The following ANO1 variants were observed in gnomAD, a reference collection of about 807,000 sequenced individuals.
ANO1 encodes the protein anoctamin 1, also known as anoctamin-1.
ANO1 carries 59 observed loss-of-function variants against 124.0 expected under a neutral mutation model. The ratio of observed to expected loss-of-function variants is 0.48; its 90% confidence interval spans 0.39 to 0.59. The LOEUF (loss-of-function observed/expected upper bound fraction) is 0.59, where lower values mean the gene tolerates loss of function less well. ANO1 is among the 20% of genes least tolerant of loss of function. The probability of loss-of-function intolerance (pLI) is 0.00; values close to 1 mark genes in which losing one functional copy is unlikely to be tolerated. For synonymous variants in ANO1, 529 were observed against 532.0 expected (o/e 0.99, Z 0.08); for missense variants, 1,059 against 1,328.0 (o/e 0.80, Z 3.15).
At chr11:70,017,662 G>A (rs1856726901) in intron 1 of ANO1, among the ~76,000 whole-genome samples, 1 of 151,934 alleles carries the variant, frequency 6.6e-6, no homozygotes, top group African/African-American at 2.4e-5. Flanking sequence ...TTACGGGTGT[G>A]CACCACCACA....
chr11:70,095,414 G>GAA lies in ANO1; in HGVS notation c.441+7332_441+7333dup, dbSNP rs762525778. Among the ~76,000 whole-genome samples the GAA allele has an allele frequency of 1.4e-3, 97 of 69,082 alleles. 7 individuals are homozygous for GAA. Among genetic ancestry groups the GAA allele is most frequent in the African/African-American group, 4.3e-3 (90 of 20,924 alleles). The allele number at this position is 69,082 out of a possible 152,430, so 45.3% of individuals were successfully genotyped here. A position where few individuals can be genotyped will look rare whatever the true frequency, so the allele number is the denominator to read the frequency against. Reference sequence around the variant, plus strand: ...AGAAAGAAAGAAAGAAAGAAAGAAAGAAAGAAAGAAAGAAAAGAAAAGAAA... The same window carrying GAA: ...AGAAAGAAAGAAAGAAAGAAAGAAAGAAAAAGAAAGAAAGAAAAGAAAAGAAA... On this transcript the variant is annotated intron_variant, in intron 2 of 25. Transcript: ENST00000355303.
chr11:69,990,568 T>A (rs1285043853), intron 1 of ANO1, among the ~76,000 whole-genome samples: 2 of 152,236 alleles, frequency 1.3e-5, no homozygotes, highest in Non-Finnish European at 2.9e-5. Context: ...ACTGCCAAAC[T>A]GTTTTACACA....
In ANO1 at chr11:70,019,328, G is replaced by A. The variant is rs185871172; in HGVS notation, c.58+33162G>A. Among the ~76,000 whole-genome samples the A allele has an allele frequency of 4.4e-3, 629 of 143,666 alleles. 5 individuals are homozygous for A. The highest frequency in any genetic ancestry group is 0.015 in the African/African-American group (598 of 38,930). 94.3% of individuals were successfully genotyped at this position (143,666 alleles called of 152,430 possible). A position where few individuals can be genotyped will look rare whatever the true frequency, so the allele number is the denominator to read the frequency against. On this transcript the variant is annotated intron_variant, in intron 1 of 27. Coordinates refer to the ANO1 transcript ENST00000531349. ...ACATGCCATGCACATGCACACACAC[G>A]CACGCACACACACATGCACACACGC... is the stretch of plus-strand genomic sequence containing the variant.
chr11:70,019,252 C>A (rs1413064001), intron 1 of ANO1, among the ~76,000 whole-genome samples: 4 of 137,434 alleles, frequency 2.9e-5, no homozygotes, highest in East Asian at 4.3e-4. Context: ...CCCACACACA[C>A]ACACACACAC....
Position 70,087,913 on chromosome 11 carries a change from T to G in ANO1, c.270T>G (p.Ser90=), listed in dbSNP as rs2044450815. The G allele has an allele frequency of 6.2e-7, 1 of 1,609,946 alleles. No individual in the cohort carries two copies. Among genetic ancestry groups the G allele is most frequent in the Non-Finnish European group, 8.5e-7 (1 of 1,178,558 alleles). The change falls in exon 2 of 26, where the codon TCT becomes TCG. Residue 90 remains serine, a synonymous_variant. Transcript: ENST00000355303. The part of the protein sequence containing the change: ...VRRVQHSDTP[S]GARSVKQDHP... ...GGGTGCAGCACAGCGACACCCCCTC[T>G]GGGGCTCGCAGCGTCAAGCAGGACC...
intron 1 of ANO1, among the ~76,000 whole-genome samples, chr11:70,033,336 C>T (rs984181233): frequency 3.3e-5 from 5 of 152,156 alleles, no homozygotes; most frequent in African/African-American, 4.8e-5. Context: ...CCTCCAAGAT[C>T]GAGAGTCTAC....
chr11:70,168,000 G>A (rs2048321664), intron 21 of ANO1, among the ~76,000 whole-genome samples: 1 of 152,196 alleles, frequency 6.6e-6, no homozygotes, highest in South Asian at 2.1e-4. Context: ...CCCCAGCACA[G>A]AGCAGGCGTC....
intron 2 of ANO1, among the ~76,000 whole-genome samples, chr11:70,095,394 GAA>G (rs1485851785): frequency 2.6e-5 from 1 of 38,222 alleles, no homozygotes; most frequent in African/African-American, 7.0e-5. Context: ...AAGAAAGAAA[GAA>G]AGAAAGAAAG....
At chr11:70,080,036 C>T (rs2044156741) in intron 1 of ANO1, among the ~76,000 whole-genome samples, 2 of 152,230 alleles carry the variant, frequency 1.3e-5, no homozygotes, top group African/African-American at 4.8e-5. Context: ...ATGTGCCAGG[C>T]CATGCTGGCC....
intron 1 of ANO1, among the ~76,000 whole-genome samples, chr11:70,050,591 C>T (rs1366302640): frequency 6.6e-6 from 1 of 152,146 alleles, no homozygotes; most frequent in Non-Finnish European, 1.5e-5. Context: ...TTGGGGGCCC[C>T]AACCCTCTCT....
At chr11:70,114,815 C>A (rs1306154614) in intron 7 of ANO1, among the ~76,000 whole-genome samples, 1 of 152,176 alleles carries the variant, frequency 6.6e-6, no homozygotes, top group African/African-American at 2.4e-5. Flanking sequence ...AGGAGAATTG[C>A]TTGAACTCGG....
intron 1 of ANO1, among the ~76,000 whole-genome samples, chr11:70,025,207 C>T (rs1486098570): frequency 6.6e-6 from 1 of 152,216 alleles, no homozygotes; most frequent in Non-Finnish European, 1.5e-5. Flanking sequence ...CTCTCTGGTC[C>T]TCAGACTTCT....
intron 6 of ANO1, among the ~76,000 whole-genome samples, chr11:70,108,690 C>G (rs1045661132): frequency 6.6e-6 from 1 of 152,158 alleles, no homozygotes; most frequent in African/African-American, 2.4e-5. Context: ...TGGAAACAGA[C>G]CAGTGTTAGG....
intron 1 of ANO1, among the ~76,000 whole-genome samples, chr11:69,999,311 T>C (rs1170297288): frequency 6.6e-6 from 1 of 152,032 alleles, no homozygotes; most frequent in African/African-American, 2.4e-5. Flanking sequence ...GAGAACTCAC[T>C]TACTCTCATG....
At chr11:70,142,572 T>C (rs1351758094) in intron 11 of ANO1, among the ~76,000 whole-genome samples, 1 of 152,062 alleles carries the variant, frequency 6.6e-6, no homozygotes, top group Non-Finnish European at 1.5e-5. Context: ...CTCTAGTTCA[T>C]GGAAATGGAG....
rs2048974349 is a variant in ANO1 at position 70,182,686 on chromosome 11, G to A, written c.2588G>A (p.Arg863Lys). ...CTGGGCTACGAGGTGCAGATCTGCA[G>A]GTACTGCTCTCTGCTCCCCTCTTTG... ...LDLGYEVQIC[R>K]YKDYREPPWS... The change falls in exon 24 of 26, where the codon AGG becomes AAG. Residue 863 changes from arginine (R) to lysine (K), a missense_variant and splice_region_variant. Physicochemically the swap from Arg to Lys is conservative, Grantham distance 26. Around this residue, in one of 2 missense-constraint regions of ANO1, gnomAD observed 809 missense variants for 1,094.9 expected, o/e 0.74. Transcript: ENST00000355303. 1 of 1,571,986 alleles carries A rather than the reference G, an allele frequency of 6.4e-7. No homozygotes were observed. Among genetic ancestry groups the A allele is most frequent in the South Asian group, 1.2e-5 (1 of 84,584 alleles).
At chr11:69,984,183 T>C (rs1855983485), upstream of ANO1, among the ~76,000 whole-genome samples, 1 of 152,194 alleles carries the variant, frequency 6.6e-6, no homozygotes, top group Admixed American at 6.5e-5. Context: ...TTCTGCACAA[T>C]GGTCAGATGG....
intron 11 of ANO1, among the ~76,000 whole-genome samples, chr11:70,145,398 G>A (rs1180651947): frequency 6.6e-6 from 1 of 152,186 alleles, no homozygotes; most frequent in Non-Finnish European, 1.5e-5. Context: ...GCCTTCCGCT[G>A]CCAATGCTTC....
chr11:70,044,310 G>A (rs1203888901), intron 1 of ANO1, among the ~76,000 whole-genome samples: 2 of 152,034 alleles, frequency 1.3e-5, no homozygotes, highest in East Asian at 3.8e-4. Context: ...AGATTTATAT[G>A]CACGTTTATT....
Sources: gnomAD v4.1 joint callset for allele counts (sites outside exome capture counted in the v4.1 genomes callset) on GRCh38, gnomAD v4.1.1 for gene constraint, gnomAD v4.1.1 regional missense constraint, MANE v1.5 for transcripts, NCBI Gene and HGNC (gene_info 2026-07-23, HGNC 2026-07-21) for gene names.